Variants in ARHGEF12 observed in about 807,000 individuals in gnomAD.
The protein encoded by ARHGEF12 is Rho guanine nucleotide exchange factor 12, also known as KMT2A/ARHGEF12 fusion protein.
A neutral mutation model predicts 211.2 loss-of-function variants in ARHGEF12; 66 were observed. The observed-to-expected ratio is 0.31, with a 90% CI of 0.26 to 0.38. The LOEUF (loss-of-function observed/expected upper bound fraction) is 0.38. ARHGEF12 is among the 10% of genes least tolerant of loss of function. The pLI is 1.00. For missense variants in ARHGEF12, 1,429 were observed against 1,869.5 expected (o/e 0.76, Z 4.34); for synonymous variants, 592 against 638.4 (o/e 0.93, Z 1.09).
At position 120,458,067 on chromosome 11, in the gene ARHGEF12, T is replaced by C; in HGVS notation, c.2226-13T>C. ...AAAGTCTTCAAATTGAATTCACTCT[T>C]TTTTCTTCATAGGTTTGACAGTGTA... On this transcript the variant is annotated splice_polypyrimidine_tract_variant and intron_variant, in intron 24 of 40. Coordinates refer to ENST00000397843, the MANE Select transcript of ARHGEF12 (RefSeq NM_015313.3). 2 of 1,596,640 alleles carry C rather than the reference T, an allele frequency of 1.3e-6. No individual in the cohort carries two copies. Among genetic ancestry groups the C allele is most frequent in the African/African-American group, 1.4e-5 (1 of 73,790 alleles).
intron 1 of ARHGEF12, among the ~76,000 whole-genome samples, chr11:120,388,182 T>C (rs1591531042): frequency 6.6e-6 from 1 of 152,206 alleles, no homozygotes; most frequent in East Asian, 1.9e-4. Flanking sequence ...TTTCTTGTCA[T>C]TATAGATTAA....
At chr11:120,397,348 T>C (rs544606822) in intron 1 of ARHGEF12, among the ~76,000 whole-genome samples, 2 of 152,336 alleles carry the variant, frequency 1.3e-5, no homozygotes, top group South Asian at 4.1e-4. Context: ...GACGAGTGTG[T>C]CCTCTCTTTT....
At position 120,465,305 on chromosome 11, in the gene ARHGEF12, C is replaced by T; in HGVS notation, c.2682C>T (p.Ala894=). The change falls in exon 28 of 41, where the codon GCC becomes GCT. Residue 894 remains alanine (A), a synonymous_variant. Transcript: ENST00000397843. The stretch of plus-strand genomic sequence containing the variant: ...CCTTTTGCAGTAACCAACCTTTCGC[C>T]CTGGAAATGATCAAATCTCGTCAGA... ...AATFCSNQPF[A]LEMIKSRQKK... 6.2e-7 allele frequency: 1 copy of T among 1,614,056 alleles called. No homozygotes were observed. The highest frequency in any genetic ancestry group is 8.5e-7 in the Non-Finnish European group (1 of 1,180,014).
intron 22 of ARHGEF12, among the ~76,000 whole-genome samples, chr11:120,454,012 T>A (rs906411503): frequency 2.6e-5 from 4 of 152,222 alleles, no homozygotes; most frequent in South Asian, 4.1e-4. Context: ...TGCTCTTTTT[T>A]AAAATAATTC....
At chr11:120,430,881 C>A (rs1241260984) in intron 10 of ARHGEF12, among the ~76,000 whole-genome samples, 2 of 152,062 alleles carry the variant, frequency 1.3e-5, no homozygotes, top group African/African-American at 4.8e-5. Context: ...TTTTCATTAC[C>A]TTCAGTCCCA....
intron 29 of ARHGEF12, among the ~76,000 whole-genome samples, chr11:120,468,081 A>G (rs563508364): frequency 1.3e-5 from 2 of 152,326 alleles, no homozygotes; most frequent in South Asian, 2.1e-4. Context: ...ATGGATATCT[A>G]TCAATGACTT....
At chr11:120,410,424 G>A (rs960339981) in intron 4 of ARHGEF12, 3 of 151,844 alleles carry the variant, frequency 2.0e-5, no homozygotes, top group Non-Finnish European at 4.4e-5. Context: ...TCCAAATTTG[G>A]CCTCGAAGGG....
At chr11:120,476,982 T>G in intron 34 of ARHGEF12, 1 of 580,428 alleles carries the variant, frequency 1.7e-6, no homozygotes, top group Middle Eastern at 4.5e-4. Context: ...TCAAGTGAAG[T>G]TTTTTTAATG....
intron 3 of ARHGEF12, chr11:120,408,086 T>C (rs896900285): frequency 6.3e-5 from 19 of 302,846 alleles, no homozygotes; most frequent in Middle Eastern, 9.3e-4. Context: ...AATGGTTATA[T>C]AATAATTGGA....
intron 1 of ARHGEF12, among the ~76,000 whole-genome samples, chr11:120,402,295 C>T (rs114245021): frequency 1.1e-3 from 168 of 152,256 alleles, no homozygotes; most frequent in African/African-American, 3.8e-3. Flanking sequence ...ATATTTACAT[C>T]GTCTTACGAT....
At chr11:120,405,236 C>T (rs1565457125) in intron 1 of ARHGEF12, among the ~76,000 whole-genome samples, 3 of 151,998 alleles carry the variant, frequency 2.0e-5, no homozygotes, top group Admixed American at 1.3e-4. Flanking sequence ...TAATAAAGTA[C>T]GGTTCCTATT....
At position 120,485,412 on chromosome 11, in the gene ARHGEF12, A is replaced by T; in HGVS notation, c.*335A>T. The stretch of plus-strand genomic sequence containing the variant: ...AGATTTAAGAAAAAGAGAAAATCAG[A>T]TGTATTTATTTGACTTCATTCCGTA... On this transcript the variant is annotated 3_prime_UTR_variant, in exon 41 of 41. Coordinates refer to ENST00000397843, the MANE Select transcript of ARHGEF12 (RefSeq NM_015313.3). The T allele has an allele frequency of 3.6e-6, 1 of 275,506 alleles. No homozygotes were observed. Among genetic ancestry groups the T allele is most frequent in the Non-Finnish European group, 6.9e-6 (1 of 145,344 alleles). The allele number at this position is 275,506 out of a possible 1,614,324, so 17.1% of individuals were successfully genotyped here. A position where few individuals can be genotyped will look rare whatever the true frequency, so the allele number is the denominator to read the frequency against.
chr11:120,469,466 G>A, intron 30 of ARHGEF12, 78 bp downstream of exon 30: 1 of 1,227,276 alleles, frequency 8.1e-7, no homozygotes, highest in Non-Finnish European at 1.1e-6. Flanking sequence ...CTGTGAAATA[G>A]TTGTTAAAAC....
At chr11:120,459,622 A>G (rs1946464606) in intron 26 of ARHGEF12, among the ~76,000 whole-genome samples, 1 of 152,042 alleles carries the variant, frequency 6.6e-6, no homozygotes, top group Non-Finnish European at 1.5e-5. Flanking sequence ...CTTTAAATAT[A>G]TATATCCAAT....
chr11:120,467,606 C>CTTT lies in ARHGEF12; in HGVS notation c.2854+315_2854+317dup, dbSNP rs71050748. Among the ~76,000 whole-genome samples, 546 of 106,886 alleles carry CTTT rather than the reference C, an allele frequency of 5.1e-3. 16 individuals are homozygous for CTTT. The highest frequency in any genetic ancestry group is 0.016 in the African/African-American group (435 of 26,398). 70.1% of individuals were successfully genotyped at this position (106,886 alleles called of 152,430 possible). ...TACAGGGGTACACCACCACACTTGG[C>CTTT]TTTTTTTTTTTTTTTTTTTAGCAAG... On this transcript the variant is annotated intron_variant, in intron 29 of 40. Transcript: ENST00000397843.
At chr11:120,415,000 C>A (rs1418252284) in intron 4 of ARHGEF12, among the ~76,000 whole-genome samples, 1 of 152,124 alleles carries the variant, frequency 6.6e-6, no homozygotes, top group Non-Finnish European at 1.5e-5. Context: ...TAGCACATAT[C>A]AAAGTAATTA....
rs1330640744 is a variant in ARHGEF12, at chr11:120,482,485, G to A, written c.4554+909G>A. 2.6e-5 allele frequency among the ~76,000 whole-genome samples: 4 copies of A among 152,094 alleles called. No individual in the cohort carries two copies. The South Asian group carries it at 6.2e-4, about 24-fold the overall frequency. On this transcript the variant is annotated intron_variant, in intron 39 of 40. Transcript: ENST00000397843. ...TCAGAGGCAGGGCACGGTGGCTCACGCCTGTAATTCCAGCACTTTGGGAGG... is the reference window on the plus strand; with the variant it reads ...TCAGAGGCAGGGCACGGTGGCTCACACCTGTAATTCCAGCACTTTGGGAGG...
intron 22 of ARHGEF12, among the ~76,000 whole-genome samples, chr11:120,452,666 C>T (rs1946246373): frequency 6.6e-6 from 1 of 152,136 alleles, no homozygotes. Flanking sequence ...GTGATAATAT[C>T]CAGAGCATGA....
chr11:120,397,959 TG>T (rs1241572488), intron 1 of ARHGEF12, among the ~76,000 whole-genome samples: 1 of 152,200 alleles, frequency 6.6e-6, no homozygotes, highest in African/African-American at 2.4e-5. Context: ...GTTGGGATTA[TG>T]GGTGATTTTT....
Sources: gnomAD v4.1 joint callset for allele counts (sites outside exome capture counted in the v4.1 genomes callset) on GRCh38, gnomAD v4.1.1 for gene constraint, MANE v1.5 for transcripts, NCBI Gene and HGNC (gene_info 2026-07-23, HGNC 2026-07-21) for gene names.